STK4: variants seen among roughly 807,000 people sequenced by gnomAD.
STK4 encodes the protein serine/threonine-protein kinase 4.
STK4 carries 30 observed loss-of-function variants against 64.9 expected under a neutral mutation model. The ratio of observed to expected loss-of-function variants is 0.46; its 90% confidence interval spans 0.35 to 0.63. The LOEUF (loss-of-function observed/expected upper bound fraction) is 0.63, where lower values mean the gene tolerates loss of function less well. Among genes scored for constraint, STK4 ranks in the 20% least tolerant of loss-of-function variants. The pLI, the probability that STK4 is intolerant of heterozygous loss-of-function variation, is 0.01. For missense variants in STK4, 466 were observed against 598.5 expected (o/e 0.78, Z 2.31); for synonymous variants, 177 against 199.0 (o/e 0.89, Z 0.93).
rs1200421499 is a variant in STK4, at chr20:45,000,685, A to G, written c.960+165A>G. On this transcript the variant is annotated intron_variant, in intron 8 of 10. Transcript: ENST00000372806. The stretch of plus-strand genomic sequence containing the variant: ...TCAACGCATGCTAGAGGGTTGTTGT[A>G]TCTGTGCTTATTCTTCTCCCAGTGC... 4.1e-6 allele frequency: 4 copies of G among 971,144 alleles called. No homozygotes were observed. The African/African-American group carries it at 4.9e-5, about 12-fold the overall frequency. 60.2% of individuals were successfully genotyped at this position (971,144 alleles called of 1,614,324 possible).
intron 1 of STK4, among the ~76,000 whole-genome samples, chr20:44,969,661 G>C (rs1352636055): frequency 6.6e-6 from 1 of 152,180 alleles, no homozygotes; most frequent in East Asian, 1.9e-4. Flanking sequence ...ACTTAGGAGA[G>C]GAGCATCCAC....
chr20:45,074,824 C>A (rs1446970905), intron 10 of STK4, among the ~76,000 whole-genome samples, 194 bp from the exon 11 acceptor site: 1 of 152,144 alleles, frequency 6.6e-6, no homozygotes, highest in East Asian at 1.9e-4. Context: ...TAAATTATCT[C>A]AGACAAGCTT....
In STK4 at chr20:45,077,319, G is replaced by C. The variant is rs985594057; in HGVS notation, c.*2143G>C. The C allele has an allele frequency of 6.6e-6, 1 of 152,206 alleles. No individual in the cohort carries two copies. Among genetic ancestry groups the C allele is most frequent in the Admixed American group, 6.5e-5 (1 of 15,290 alleles). The allele number at this position is 152,206 out of a possible 1,614,324, so 9.4% of individuals were successfully genotyped here. On this transcript the variant is annotated 3_prime_UTR_variant, in exon 11 of 11. Transcript: ENST00000372806. Reference sequence around the variant, plus strand: ...GTAGTTAAGTCTGATAGCCAAGTAAGTTTTAAAAACCAAAGCATCCAGGAT... The same window carrying C: ...GTAGTTAAGTCTGATAGCCAAGTAACTTTTAAAAACCAAAGCATCCAGGAT...
At chr20:45,063,249 C>T (rs1568767220) in intron 10 of STK4, among the ~76,000 whole-genome samples, 1 of 151,684 alleles carries the variant, frequency 6.6e-6, no homozygotes, top group African/African-American at 2.4e-5. Context: ...CTCAAGTGAT[C>T]CGCCCACCTC....
intron 10 of STK4, among the ~76,000 whole-genome samples, chr20:45,044,060 T>C (rs1442855736): frequency 6.6e-6 from 1 of 152,236 alleles, no homozygotes; most frequent in Non-Finnish European, 1.5e-5. Context: ...ACCAAAGTGA[T>C]CATAGGTATC....
intron 10 of STK4, among the ~76,000 whole-genome samples, chr20:45,033,104 A>T (rs372788999): frequency 6.6e-6 from 1 of 151,972 alleles, no homozygotes; most frequent in Non-Finnish European, 1.5e-5. Context: ...TCCTTTCCCC[A>T]TTTTTAATGA....
chr20:44,978,142 T>C (rs1226041853), intron 2 of STK4, among the ~76,000 whole-genome samples: 3 of 152,258 alleles, frequency 2.0e-5, no homozygotes, highest in Non-Finnish European at 4.4e-5. Flanking sequence ...AGGAATGAAT[T>C]GAGATGGTGT....
At chr20:45,063,003 T>TC (rs1023100678) in intron 10 of STK4, among the ~76,000 whole-genome samples, 17 of 98,936 alleles carry the variant, frequency 1.7e-4, no homozygotes, top group Non-Finnish European at 2.9e-4. Flanking sequence ...TTTTTTTTTT[T>TC]TTTTTTTTTT....
intron 9 of STK4, among the ~76,000 whole-genome samples, chr20:45,001,707 G>A (rs1568709573): frequency 6.6e-6 from 1 of 152,206 alleles, no homozygotes. Flanking sequence ...GACATTCTGA[G>A]TTATTTACTG....
intron 3 of STK4, among the ~76,000 whole-genome samples, chr20:44,980,915 A>G (rs1972194): frequency 1 from 151,606 of 152,190 alleles, 75,514 homozygotes; most frequent in East Asian, 1. Context: ...GGATCCGCCC[A>G]CCTCGGCCTC....
intron 9 of STK4, among the ~76,000 whole-genome samples, chr20:45,020,441 T>TGTGC (rs2068223628): frequency 1.1e-5 from 1 of 93,798 alleles, no homozygotes. Context: ...TGTTTATGCG[T>TGTGC]GTGTGTGTGT....
At chr20:45,021,965 TTTTTGCAGATTGGGAACCTG>T (rs2068255737) in intron 9 of STK4, among the ~76,000 whole-genome samples, 1 of 152,232 alleles carries the variant, frequency 6.6e-6, no homozygotes, top group Non-Finnish European at 1.5e-5. Context: ...CTGTGTCTTC[TTTTTGCAGATTGGGAACCTG>T]TGGTTTTACC....
chr20:45,010,667 A>C (rs1452665744), intron 9 of STK4, among the ~76,000 whole-genome samples: 1 of 152,188 alleles, frequency 6.6e-6, no homozygotes, highest in Non-Finnish European at 1.5e-5. Flanking sequence ...TTATGTTCTG[A>C]ATCATTAGAT....
At chr20:44,972,941 T>C (rs2067276161) in intron 2 of STK4, 1 of 151,704 alleles carries the variant, frequency 6.6e-6, no homozygotes, top group Non-Finnish European at 1.5e-5. Context: ...CCTCTCTCTG[T>C]CTCTTAGCCA....
chr20:45,003,079 C>CT (rs2145701366), intron 9 of STK4, among the ~76,000 whole-genome samples: 1 of 152,234 alleles, frequency 6.6e-6, no homozygotes, highest in African/African-American at 2.4e-5. Flanking sequence ...GTATGATCAG[C>CT]TCACTGTAAC....
intron 1 of STK4, among the ~76,000 whole-genome samples, chr20:44,969,841 A>T (rs991979197): frequency 6.6e-5 from 10 of 152,262 alleles, no homozygotes; most frequent in Non-Finnish European, 1.5e-4. Context: ...AAATATTATT[A>T]TGAATCACTT....
At chr20:44,967,161 A>T in intron 1 of STK4, 1 of 985,180 alleles carries the variant, frequency 1.0e-6, no homozygotes, top group Non-Finnish European at 1.2e-6. Context: ...ATTTCAGAGG[A>T]TGCTGTTGGT....
chr20:45,034,986 A>G (rs1568741106), intron 10 of STK4, among the ~76,000 whole-genome samples: 2 of 152,192 alleles, frequency 1.3e-5, no homozygotes, highest in East Asian at 3.9e-4. Context: ...ATGTATGTAT[A>G]TGTGTGTGTG....
At chr20:45,044,375 G>A (rs970998924) in intron 10 of STK4, among the ~76,000 whole-genome samples, 1 of 152,194 alleles carries the variant, frequency 6.6e-6, no homozygotes, top group Non-Finnish European at 1.5e-5. Flanking sequence ...TACCGAACCA[G>A]TGGCTCATGC....
Sources: allele counts gnomAD v4.1 joint callset (sites outside exome capture counted in the v4.1 genomes callset), GRCh38; gene constraint gnomAD v4.1.1; transcripts MANE v1.5; gene names NCBI Gene and HGNC (gene_info 2026-07-23, HGNC 2026-07-21).